Variants in AS3MT observed in about 807,000 individuals in gnomAD.
AS3MT encodes arsenite methyltransferase.
AS3MT carries 47 observed loss-of-function variants against 45.3 expected under a neutral mutation model. That is an observed-to-expected ratio of 1.04 (90% CI 0.82 to 1.32). AS3MT has a LOEUF of 1.32. Among genes scored for constraint, AS3MT ranks in the 40% most tolerant of loss-of-function variants. The pLI, the probability that AS3MT is intolerant of heterozygous loss-of-function variation, is 0.00. For missense variants in AS3MT, 396 were observed against 451.1 expected (o/e 0.88, Z 1.11); for synonymous variants, 141 against 152.8 (o/e 0.92, Z 0.57).
At chr10:102,894,691 C>A (rs2134131635) in intron 10 of AS3MT, among the ~76,000 whole-genome samples, 1 of 152,278 alleles carries the variant, frequency 6.6e-6, no homozygotes, top group Middle Eastern at 3.4e-3. Flanking sequence ...CATTTACAAT[C>A]TATTCTCTCT....
chr10:102,900,627 A>T lies in AS3MT; in HGVS notation c.1055A>T (p.Glu352Val). The change falls in exon 11 of 11, where the codon GAG becomes GTG. Residue 352 changes from glutamate (E) to valine (V), a missense_variant. Physicochemically the swap from Glu to Val is moderately radical, Grantham distance 121 (BLOSUM62 -2). Coordinates refer to ENST00000369880, the MANE Select transcript of AS3MT (RefSeq NM_020682.4). ...IITDPFKLAE[E>V]SDSMKSRCVP... ...ACAGATCCATTTAAGCTTGCAGAAG[A>T]GTCTGACAGTATGAAGTCCAGATGT... is the stretch of plus-strand genomic sequence containing the variant. 6.2e-7 allele frequency: 1 copy of T among 1,614,150 alleles called. No homozygotes were observed. The highest frequency in any genetic ancestry group is 2.2e-5 in the East Asian group (1 of 44,882).
chr10:102,869,771 C>T (rs757267955), intron 1 of AS3MT, 34 bp from the exon 2 acceptor site: 24 of 1,613,940 alleles, frequency 1.5e-5, no homozygotes, highest in Non-Finnish European at 1.6e-5. Flanking sequence ...CCTCAGCACC[C>T]TCTCCTTTCA....
intron 9 of AS3MT, among the ~76,000 whole-genome samples, chr10:102,889,647 T>TTCCTTC (rs1564794858): frequency 4.0e-4 from 37 of 92,016 alleles, no homozygotes; most frequent in South Asian, 1.5e-3. Flanking sequence ...TTCCTTCCTT[T>TTCCTTC]CTTCCTTCCT....
intron 9 of AS3MT, among the ~76,000 whole-genome samples, chr10:102,880,217 A>T (rs1844852013): frequency 6.6e-6 from 1 of 152,212 alleles, no homozygotes; most frequent in African/African-American, 2.4e-5. Flanking sequence ...GTGCATAGTA[A>T]GATTTGTTTT....
intron 10 of AS3MT, among the ~76,000 whole-genome samples, chr10:102,894,825 A>G (rs941725991): frequency 2.6e-5 from 4 of 152,324 alleles, no homozygotes; most frequent in South Asian, 2.1e-4. Context: ...ACCAATTGCC[A>G]ATCACAAAAT....
At chr10:102,890,371 T>C (rs7085598) in intron 9 of AS3MT, among the ~76,000 whole-genome samples, 173 bp from the exon 10 acceptor site, 62,103 of 151,936 alleles carry the variant, frequency 0.41, 12,917 homozygotes, top group East Asian at 0.56. Context: ...TTTAATTTTT[T>C]GAGGAATCTC....
chr10:102,873,004 G>A (rs1046078375), intron 4 of AS3MT, 93 bp from the exon 5 acceptor site: 5 of 1,036,334 alleles, frequency 4.8e-6, no homozygotes, highest in Non-Finnish European at 7.0e-6. Context: ...AATAATCTAG[G>A]GGAAGTATAT....
At chr10:102,892,918 T>C (rs923703311) in intron 10 of AS3MT, among the ~76,000 whole-genome samples, 1 of 151,686 alleles carries the variant, frequency 6.6e-6, no homozygotes. Flanking sequence ...AGGCGGAGGT[T>C]GCAATGAGAC....
At chr10:102,893,379 C>T (rs931815155) in intron 10 of AS3MT, among the ~76,000 whole-genome samples, 2 of 151,810 alleles carry the variant, frequency 1.3e-5, no homozygotes, top group East Asian at 1.9e-4. Context: ...GGTGCAGTGG[C>T]GTGATCTCAT....
At chr10:102,898,940 T>C (rs1478569330) in intron 10 of AS3MT, among the ~76,000 whole-genome samples, 1 of 152,198 alleles carries the variant, frequency 6.6e-6, no homozygotes, top group Admixed American at 6.5e-5. Context: ...GTACTTCTCA[T>C]AGAATCACAG....
At position 102,874,572 on chromosome 10, in the gene AS3MT, T is replaced by C. The variant is rs1272977194; in HGVS notation, c.459-20T>C. On this transcript the variant is annotated intron_variant, in intron 5 of 10. Coordinates refer to ENST00000369880, the MANE Select transcript of AS3MT (RefSeq NM_020682.4). ...GAGTGTTGTGAAGATTTGCTCGACA[T>C]TTCATCTGTTCTCTTTTAGATCAAA... 2.6e-6 allele frequency: 4 copies of C among 1,560,706 alleles called. No individual in the cohort carries two copies.
At chr10:102,894,255 C>T (rs745399709) in intron 10 of AS3MT, among the ~76,000 whole-genome samples, 6 of 151,768 alleles carry the variant, frequency 4.0e-5, no homozygotes, top group Non-Finnish European at 8.8e-5. Flanking sequence ...GAAACCCCGT[C>T]TCTACTAAAA....
Position 102,876,440 on chromosome 10 carries a change from T to C in AS3MT, c.529-514T>C, listed in dbSNP as rs185822028. ...CCAGGCACATGCCACCATGCCCAGC[T>C]AGTTTTTAAATTTCTATATGGGAGA... On this transcript the variant is annotated intron_variant, in intron 6 of 10. Transcript: ENST00000369880. Among the ~76,000 whole-genome samples the C allele has an allele frequency of 8.9e-4, 135 of 151,778 alleles. 1 individual carries two copies. Among genetic ancestry groups the C allele is most frequent in the Admixed American group, 2.4e-3 (36 of 15,238 alleles).
intron 9 of AS3MT, among the ~76,000 whole-genome samples, chr10:102,883,977 T>G (rs1844907438): frequency 7.4e-6 from 1 of 134,276 alleles, no homozygotes; most frequent in African/African-American, 2.6e-5. Flanking sequence ...TCTTTCTTTA[T>G]TTCTTTTTTT....
At chr10:102,897,377 C>T (rs1845193521) in intron 10 of AS3MT, among the ~76,000 whole-genome samples, 1 of 127,452 alleles carries the variant, frequency 7.8e-6, no homozygotes, top group Admixed American at 7.9e-5. Context: ...GAGTGAGGCT[C>T]CGTCTCAAGA....
chr10:102,874,596 A>T lies in AS3MT; in HGVS notation c.463A>T (p.Asn155Tyr). 6.2e-7 allele frequency: 1 copy of T among 1,602,456 alleles called. No individual in the cohort carries two copies. The highest frequency in any genetic ancestry group is 8.5e-7 in the Non-Finnish European group (1 of 1,172,726). The change falls in exon 6 of 11, where the codon AAC becomes TAC. Residue 155 changes from asparagine to tyrosine, a missense_variant. Asn to Tyr is a moderately radical substitution (Grantham distance 143, BLOSUM62 -2). Transcript: ENST00000369880. ...KNESHDIVVS[N>Y]CVINLVPDKQ... ...ATTTCATCTGTTCTCTTTTAGATCAAACTGTGTTATTAACCTTGTGCCTGA... is the reference window on the plus strand; with the variant it reads ...ATTTCATCTGTTCTCTTTTAGATCATACTGTGTTATTAACCTTGTGCCTGA...
chr10:102,892,112 A>G (rs1391323800), intron 10 of AS3MT, among the ~76,000 whole-genome samples: 1 of 152,026 alleles, frequency 6.6e-6, no homozygotes, highest in Non-Finnish European at 1.5e-5. Flanking sequence ...CTAAAGATAA[A>G]CCAGGTTATA....
At chr10:102,883,224 C>T (rs1344438129) in intron 9 of AS3MT, among the ~76,000 whole-genome samples, 2 of 151,448 alleles carry the variant, frequency 1.3e-5, no homozygotes, top group African/African-American at 4.8e-5. Flanking sequence ...CCTCAGCCTC[C>T]CCAGTAGCTT....
intron 9 of AS3MT, among the ~76,000 whole-genome samples, chr10:102,889,607 T>TCTGCCTGCCTGC (rs201022942): frequency 2.1e-4 from 26 of 123,698 alleles, no homozygotes; most frequent in South Asian, 3.0e-4. Flanking sequence ...CCCCTGCCTG[T>TCTGCCTGCCTGC]CTGCCTGCCT....
Sources: gnomAD v4.1 joint callset for allele counts (sites outside exome capture counted in the v4.1 genomes callset) on GRCh38, gnomAD v4.1.1 for gene constraint, MANE v1.5 for transcripts, NCBI Gene and HGNC (gene_info 2026-07-23, HGNC 2026-07-21) for gene names.